TFEB: variants seen among roughly 807,000 people sequenced by gnomAD.
TFEB encodes T-cell transcription factor EB.
A neutral mutation model predicts 48.0 loss-of-function variants in TFEB; 12 were observed. The observed-to-expected ratio is 0.25, with a 90% CI of 0.16 to 0.40. The LOEUF (loss-of-function observed/expected upper bound fraction) is 0.40. Among genes scored for constraint, TFEB ranks in the 10% least tolerant of loss-of-function variants. The pLI is 1.00. For synonymous variants in TFEB, 244 were observed against 261.4 expected (o/e 0.93, Z 0.64); for missense variants, 509 against 640.3 (o/e 0.79, Z 2.21).
chr6:41,732,579 A>G, intron 1 of TFEB: 1 of 985,874 alleles, frequency 1.0e-6, no homozygotes, highest in Non-Finnish European at 1.2e-6. Context: ...AGACACTTTA[A>G]CCACACACAC....
chr6:41,685,353 C>A (rs1046042069), intron 8 of TFEB, among the ~76,000 whole-genome samples: 15 of 152,148 alleles, frequency 9.9e-5, no homozygotes, highest in African/African-American at 3.4e-4. Flanking sequence ...CTAGACTAGA[C>A]TAGAATAGAA....
At chr6:41,697,338 G>A (rs748313915) in intron 1 of TFEB, among the ~76,000 whole-genome samples, 3 of 140,622 alleles carry the variant, frequency 2.1e-5, no homozygotes, top group Non-Finnish European at 4.5e-5. Flanking sequence ...AACCCGGGAG[G>A]CAGAGGTTGC....
chr6:41,714,624 C>T (rs1770651824), intron 1 of TFEB, among the ~76,000 whole-genome samples: 1 of 152,194 alleles, frequency 6.6e-6, no homozygotes, highest in Non-Finnish European at 1.5e-5. Flanking sequence ...CCTTTCTGCC[C>T]ATATCACCCC....
At chr6:41,707,459 G>A (rs1478771360) in intron 1 of TFEB, among the ~76,000 whole-genome samples, 1 of 152,176 alleles carries the variant, frequency 6.6e-6, no homozygotes, top group Non-Finnish European at 1.5e-5. Context: ...GCTGTGACTT[G>A]GCGTGCCTGC....
Position 41,689,788 on chromosome 6 carries a change from A to G in TFEB, c.492T>C (p.Ile164=). The change falls in exon 4 of 9, where the codon ATT becomes ATC. Residue 164 remains isoleucine (I), a synonymous_variant. Coordinates refer to ENST00000373033, the MANE Select transcript of TFEB (RefSeq NM_001271944.2). ...ERELDDVIDN[I]MRLDDVLGYI... ...AGCCAAGGACATCGTCCAGACGCAT[A>G]ATGTTGTCAATGACATCATCCAACT... 2 of 1,614,080 alleles carry G rather than the reference A, an allele frequency of 1.2e-6. No homozygotes were observed. The highest frequency in any genetic ancestry group is 2.2e-5 in the South Asian group (2 of 91,064).
chr6:41,713,224 G>T (rs576320278), intron 1 of TFEB, among the ~76,000 whole-genome samples: 1 of 152,212 alleles, frequency 6.6e-6, no homozygotes, highest in African/African-American at 2.4e-5. Context: ...GGGTGCTGGG[G>T]TACCCCAGGA....
chr6:41,712,120 C>T (rs946051171), intron 1 of TFEB, among the ~76,000 whole-genome samples: 2 of 152,154 alleles, frequency 1.3e-5, no homozygotes, highest in African/African-American at 4.8e-5. Flanking sequence ...AGCAGGGAAA[C>T]TGAGGCACAG....
At chr6:41,689,948 A>G in intron 3 of TFEB, 137 bp from the exon 4 acceptor site, 1 of 638,798 alleles carries the variant, frequency 1.6e-6, no homozygotes, top group African/African-American at 1.8e-5. Context: ...AAGAGGAAAT[A>G]GGCCCAGAGA....
intron 1 of TFEB, among the ~76,000 whole-genome samples, chr6:41,710,735 G>T (rs1374046249): frequency 6.6e-6 from 1 of 152,068 alleles, no homozygotes; most frequent in African/African-American, 2.4e-5. Flanking sequence ...GCAGCCAAGG[G>T]GACCTCCTTG....
rs902259325 is a variant in TFEB, at chr6:41,723,640, G to A, written c.-23+11710C>T. On this transcript the variant is annotated intron_variant, in intron 1 of 8. Transcript: ENST00000373033. The surrounding 1 kb of genome is among the most constrained non-coding windows in gnomAD (Gnocchi z 6.0). ...GGAGAGGAAGTTGCACAATCCCCTG[G>A]GAGCTGCAAATGCGGCCGAGGATTA... 2 of 938,328 alleles carry A rather than the reference G, an allele frequency of 2.1e-6. No individual in the cohort carries two copies. The highest frequency in any genetic ancestry group is 2.8e-6 in the Non-Finnish European group (2 of 704,556). The allele number at this position is 938,328 out of a possible 1,614,324, so 58.1% of individuals were successfully genotyped here.
chr6:41,735,662 G>C, upstream of TFEB: 1 of 739,654 alleles, frequency 1.4e-6, no homozygotes, highest in Non-Finnish European at 1.7e-6. Context: ...CCTCCCAGCC[G>C]CTCTGCCTCG....
Position 41,684,482 on chromosome 6 carries a change from GAGGC to G in TFEB, c.*113_*116del. 7.8e-7 allele frequency: 1 copy of G among 1,281,236 alleles called. No individual in the cohort carries two copies. Among genetic ancestry groups the G allele is most frequent in the Non-Finnish European group, 1.0e-6 (1 of 982,072 alleles). The allele number at this position is 1,281,236 out of a possible 1,614,324, so 79.4% of individuals were successfully genotyped here. ...CAAACAGGGGCCAACGGGGAGGAGGGAGGCAGGGCAGGTGGCTACTTCACACACA... is the reference window on the plus strand; with the variant it reads ...CAAACAGGGGCCAACGGGGAGGAGGGAGGGCAGGTGGCTACTTCACACACA... On this transcript the variant is annotated 3_prime_UTR_variant, in exon 9 of 9. Coordinates refer to ENST00000373033, the MANE Select transcript of TFEB (RefSeq NM_001271944.2).
At chr6:41,704,842 C>T (rs1483646658) in intron 1 of TFEB, among the ~76,000 whole-genome samples, 7 of 152,234 alleles carry the variant, frequency 4.6e-5, no homozygotes, top group Non-Finnish European at 8.8e-5. Flanking sequence ...CAGCCTGATT[C>T]TCAGGCTCAA....
intron 1 of TFEB, among the ~76,000 whole-genome samples, chr6:41,701,150 T>TGCACACATGTCCATGTGC (rs1178157127): frequency 6.6e-6 from 1 of 152,248 alleles, no homozygotes; most frequent in Non-Finnish European, 1.5e-5. Flanking sequence ...CACGCACACA[T>TGCACACATGTCCATGTGC]GCACACATGT....
chr6:41,725,710 T>C (rs1771176334), intron 1 of TFEB, among the ~76,000 whole-genome samples: 1 of 152,254 alleles, frequency 6.6e-6, no homozygotes, highest in African/African-American at 2.4e-5. Flanking sequence ...TGCTTATATA[T>C]ACCCCGATGC....
At chr6:41,711,510 C>T (rs1431056039) in intron 1 of TFEB, among the ~76,000 whole-genome samples, 1 of 152,192 alleles carries the variant, frequency 6.6e-6, no homozygotes, top group African/African-American at 2.4e-5. Flanking sequence ...TCCAGCATCT[C>T]TCTTCCCTGC....
intron 1 of TFEB, chr6:41,735,145 C>T (rs1771625988): frequency 1.0e-6 from 1 of 954,800 alleles, no homozygotes; most frequent in Non-Finnish European, 1.2e-6. Context: ...CCCGGCTCGG[C>T]GGGCAGCGCC....
At chr6:41,707,273 G>A (rs1770276575) in intron 1 of TFEB, among the ~76,000 whole-genome samples, 1 of 152,202 alleles carries the variant, frequency 6.6e-6, no homozygotes, top group South Asian at 2.1e-4. Context: ...GGCGGAGTGG[G>A]GAGATGATAG....
chr6:41,711,335 C>T (rs779010231), intron 1 of TFEB, among the ~76,000 whole-genome samples: 47 of 152,340 alleles, frequency 3.1e-4, no homozygotes, highest in Admixed American at 1.4e-3. Flanking sequence ...AGAGGACACT[C>T]GGACATGGCC....
Sources: gnomAD v4.1 joint callset for allele counts (sites outside exome capture counted in the v4.1 genomes callset) on GRCh38, gnomAD v4.1.1 for gene constraint, Gnocchi (gnomAD v3.1) non-coding constraint, MANE v1.5 for transcripts, NCBI Gene and HGNC (gene_info 2026-07-23, HGNC 2026-07-21) for gene names.